Variants in APBB1IP observed in about 807,000 individuals in gnomAD.
APBB1IP encodes the protein amyloid beta precursor protein binding family B member 1 interacting protein, also known as amyloid beta A4 precursor protein-binding family B member 1-interacting protein.
Under a neutral mutation model 64.9 loss-of-function variants are expected in APBB1IP, and 27 were observed. The observed-to-expected ratio is 0.42, with a 90% CI of 0.31 to 0.57. The LOEUF is 0.57. APBB1IP is among the 20% of genes least tolerant of loss of function. The pLI is 0.20. For synonymous variants in APBB1IP, 392 were observed against 331.0 expected (o/e 1.18, Z -2.00); for missense variants, 812 against 845.5 (o/e 0.96, Z 0.49).
chr10:26,506,538 A>G (rs1836181983), intron 6 of APBB1IP, among the ~76,000 whole-genome samples: 1 of 152,172 alleles, frequency 6.6e-6, no homozygotes, highest in Non-Finnish European at 1.5e-5. Context: ...ATGTAATAAT[A>G]GTTAAAATAG....
intron 11 of APBB1IP, among the ~76,000 whole-genome samples, chr10:26,555,879 G>T (rs1836888743): frequency 6.6e-6 from 1 of 152,202 alleles, no homozygotes; most frequent in African/African-American, 2.4e-5. Context: ...GATTACAGGT[G>T]TGAGCCACGG....
intron 5 of APBB1IP, 145 bp from the exon 6 acceptor site, chr10:26,503,052 T>C (rs970292311): frequency 8.7e-6 from 6 of 692,554 alleles, no homozygotes; most frequent in Middle Eastern, 2.8e-4. Flanking sequence ...CTTTAAAAAG[T>C]AATTAATAAA....
At chr10:26,525,904 C>G (rs1409811151) in intron 8 of APBB1IP, among the ~76,000 whole-genome samples, 1 of 152,106 alleles carries the variant, frequency 6.6e-6, no homozygotes, top group African/African-American at 2.4e-5. Flanking sequence ...TTCTCTGGGT[C>G]CCTGTGTCTT....
At chr10:26,527,461 C>G (rs1487544635) in intron 8 of APBB1IP, among the ~76,000 whole-genome samples, 1 of 150,228 alleles carries the variant, frequency 6.7e-6, no homozygotes, top group Non-Finnish European at 1.5e-5. Flanking sequence ...GTGGGAGGAT[C>G]ATTTGAGCTC....
chr10:26,563,217 G>A (rs1405159801), intron 14 of APBB1IP, among the ~76,000 whole-genome samples: 3 of 152,156 alleles, frequency 2.0e-5, no homozygotes, highest in Non-Finnish European at 2.9e-5. Context: ...GCTGGGCACA[G>A]TGGTGAGCAC....
intron 2 of APBB1IP, among the ~76,000 whole-genome samples, chr10:26,489,069 T>C (rs544370970): frequency 2.6e-5 from 4 of 152,318 alleles, no homozygotes; most frequent in Non-Finnish European, 5.9e-5. Context: ...CAACTTCCCA[T>C]GCTCCTGCAA....
chr10:26,516,693 GAA>G, intron 8 of APBB1IP, among the ~76,000 whole-genome samples: 1 of 152,048 alleles, frequency 6.6e-6, no homozygotes, highest in Non-Finnish European at 1.5e-5. Context: ...GAACTTCACA[GAA>G]GATAAGATGA....
intron 10 of APBB1IP, among the ~76,000 whole-genome samples, chr10:26,538,817 A>T (rs1366375792): frequency 6.6e-6 from 1 of 152,188 alleles, no homozygotes; most frequent in Non-Finnish European, 1.5e-5. Context: ...ACACTGTTCC[A>T]AAATAGACCT....
chr10:26,454,561 C>T (rs1391505396), intron 2 of APBB1IP, among the ~76,000 whole-genome samples: 1 of 151,346 alleles, frequency 6.6e-6, no homozygotes, highest in Non-Finnish European at 1.5e-5. Context: ...GGATGGTTAC[C>T]GAGGCTGGGA....
chr10:26,446,138 A>G (rs1168894598), intron 2 of APBB1IP, among the ~76,000 whole-genome samples: 3 of 152,218 alleles, frequency 2.0e-5, no homozygotes, highest in Non-Finnish European at 2.9e-5. Context: ...ATTTCACATC[A>G]TATTATAGTG....
chr10:26,501,642 C>T (rs1836101889), intron 5 of APBB1IP: 1 of 155,762 alleles, frequency 6.4e-6, no homozygotes, highest in African/African-American at 2.4e-5. Flanking sequence ...TGATAAATTT[C>T]TGAATATTGA....
chr10:26,539,901 T>C (rs1370719585), intron 10 of APBB1IP, among the ~76,000 whole-genome samples: 1 of 152,064 alleles, frequency 6.6e-6, no homozygotes, highest in African/African-American at 2.4e-5. Context: ...AAGCATGAGA[T>C]TGATAAAATA....
At chr10:26,499,681 A>G (rs1368082430) in intron 4 of APBB1IP, among the ~76,000 whole-genome samples, 1 of 152,070 alleles carries the variant, frequency 6.6e-6, no homozygotes. Context: ...CCCCAACTAC[A>G]CCACATGATC....
intron 14 of APBB1IP, 26 bp from the exon 15 acceptor site, chr10:26,566,934 AT>A: frequency 1.3e-6 from 2 of 1,541,220 alleles, no homozygotes; most frequent in African/African-American, 1.4e-5. Context: ...TAAAAAAAAA[AT>A]GAATGCTACT....
chr10:26,515,152 A>AC (rs1836310801), intron 8 of APBB1IP, among the ~76,000 whole-genome samples: 3 of 150,688 alleles, frequency 2.0e-5, no homozygotes, highest in South Asian at 2.1e-4. Flanking sequence ...AAGTGCTGGG[A>AC]TTCCAGGTGT....
At position 26,560,892 on chromosome 10, in the gene APBB1IP, C is replaced by G. The variant is rs756354493; in HGVS notation, c.1369+48C>G. On this transcript the variant is annotated intron_variant, in intron 13 of 14. Transcript: ENST00000376236. The stretch of plus-strand genomic sequence containing the variant: ...CAACACATATTCAAAGCTTGGTGCT[C>G]CAGTTCAAAATGTATCCAATACATC... The G allele has an allele frequency of 6.6e-6, 9 of 1,364,540 alleles. No individual in the cohort carries two copies. The African/African-American group carries it at 1.0e-4, about 15-fold the overall frequency. The allele number at this position is 1,364,540 out of a possible 1,614,324, so 84.5% of individuals were successfully genotyped here.
intron 6 of APBB1IP, among the ~76,000 whole-genome samples, chr10:26,510,760 ACACACACACACACAC>A (rs1836246775): frequency 6.6e-6 from 1 of 151,686 alleles, no homozygotes; most frequent in African/African-American, 2.4e-5. Context: ...ACACACACAC[ACACACACACACACAC>A]AAATGAAAAT....
At chr10:26,559,626 T>C (rs896436478) in intron 11 of APBB1IP, among the ~76,000 whole-genome samples, 3 of 149,086 alleles carry the variant, frequency 2.0e-5, no homozygotes, top group Non-Finnish European at 3.0e-5. Context: ...TTCTTTCTTT[T>C]TTTTTTTTTT....
chr10:26,528,674 C>G (rs533841279), intron 8 of APBB1IP, among the ~76,000 whole-genome samples: 1 of 152,276 alleles, frequency 6.6e-6, no homozygotes. Flanking sequence ...TGGTGGCTCA[C>G]GCCTGTAATC....
Sources: gnomAD v4.1 joint callset for allele counts (sites outside exome capture counted in the v4.1 genomes callset) on GRCh38, gnomAD v4.1.1 for gene constraint, MANE v1.5 for transcripts, NCBI Gene and HGNC (gene_info 2026-07-23, HGNC 2026-07-21) for gene names.